The following ATP13A2 variants were observed in gnomAD, a reference collection of about 807,000 sequenced individuals.
The protein encoded by ATP13A2 is ATPase cation transporting 13A2, also known as polyamine-transporting ATPase 13A2.
A neutral mutation model predicts 138.3 loss-of-function variants in ATP13A2; 83 were observed. The observed-to-expected ratio is 0.60, with a 90% CI of 0.50 to 0.72. The LOEUF (loss-of-function observed/expected upper bound fraction) is 0.72. Ranked by LOEUF, ATP13A2 falls within the 30% of genes least tolerant of loss-of-function variation. ATP13A2 has a pLI of 0.00. For synonymous variants in ATP13A2, 663 were observed against 699.0 expected, an observed-to-expected ratio of 0.95 and a Z score of 0.81; for missense variants, 1,402 against 1,606.4, an observed-to-expected ratio of 0.87 and a Z score of 2.17.
At position 16,995,634 on chromosome 1, in the gene ATP13A2, C is replaced by T. The variant is rs866706251; in HGVS notation, c.1542+342G>A. The T allele has an allele frequency of 6.8e-5, 26 of 381,672 alleles. No individual in the cohort carries two copies. Among genetic ancestry groups the T allele is most frequent in the Admixed American group, 3.7e-4 (10 of 26,928 alleles). The allele number at this position is 381,672 out of a possible 1,614,324, so 23.6% of individuals were successfully genotyped here. Reference sequence around the variant, plus strand: ...GGCTAACTTTTGTATTTTTAGTAGACGGGGTTTTGCCATGTTGGTCAGGCT... The same window carrying T: ...GGCTAACTTTTGTATTTTTAGTAGATGGGGTTTTGCCATGTTGGTCAGGCT... On this transcript the variant is annotated intron_variant, in intron 15 of 28. Transcript: ENST00000326735. This position sits in a 1 kb window ranked among gnomAD's most constrained non-coding sequence, Gnocchi z 4.1.
intron 25 of ATP13A2, 65 bp downstream of exon 25, chr1:16,988,073 C>A: frequency 6.9e-7 from 1 of 1,445,888 alleles, no homozygotes; most frequent in Non-Finnish European, 9.7e-7. Context: ...AGCTCCAAGG[C>A]ACAGGGCTGT....
chr1:16,992,584 G>A lies in ATP13A2; in HGVS notation c.1750-3C>T, dbSNP rs780246274. The A allele has an allele frequency of 1.9e-6, 3 of 1,613,960 alleles. No homozygotes were observed. Among genetic ancestry groups the A allele is most frequent in the Admixed American group, 1.7e-5 (1 of 60,002 alleles). On this transcript the variant is annotated splice_region_variant and splice_polypyrimidine_tract_variant and intron_variant, in intron 16 of 28. Transcript: ENST00000326735. ...GCAGCCGGCTCTTCCTCCAGGACCT[G>A]GCAGGCAGGCAGGGAAGTTTGGTGT...
rs886045581 is a variant in ATP13A2 at position 16,993,634 on chromosome 1, C to T, written c.1744G>A (p.Gly582Ser). The change falls in exon 16 of 29, where the codon GGC (glycine) becomes AGC (serine). Residue 582 changes from glycine (G) to serine (S), a missense_variant. Gly to Ser is a moderately conservative substitution (Grantham distance 56). Transcript: ENST00000326735. ...PMDLKMVESTGWVLEEEPAAD... is the reference protein window; with the variant it reads ...PMDLKMVESTSWVLEEEPAAD... ...GACCTGCTTGGCCTCCTCACCCAGC[C>T]AGTAGACTCCACCATCTTCAAGTCC... 14 of 1,584,236 alleles carry T rather than the reference C, an allele frequency of 8.8e-6. 1 individual carries two copies. The highest frequency in any genetic ancestry group is 1.9e-4 in the Middle Eastern group (1 of 5,384).
In ATP13A2 at chr1:17,004,692, C is replaced by G; in HGVS notation, c.477G>C (p.Gln159His). The part of the protein sequence containing the change: ...HKSEEAVSVG[Q>H]KRVLRYYLFQ... ...GGGCAAGGACTTTTTCAGAACCCAC[C>G]TGTCCGACACTCACCGCCTCCTCGC... The change falls in exon 5 of 29, where the codon CAG becomes CAC. Residue 159 changes from glutamine to histidine, a missense_variant and splice_region_variant. By Grantham distance (24) the Gln-to-His change is conservative. Transcript: ENST00000326735. This position sits in a 1 kb window ranked among gnomAD's most constrained non-coding sequence, Gnocchi z 4.1. 1 of 1,614,076 alleles carries G rather than the reference C, an allele frequency of 6.2e-7. No homozygotes were observed. Among genetic ancestry groups the G allele is most frequent in the Non-Finnish European group, 8.5e-7 (1 of 1,180,026 alleles).
Position 17,007,644 on chromosome 1 carries a change from C to T in ATP13A2, c.11-1866G>A, listed in dbSNP as rs187881775. Among the ~76,000 whole-genome samples the T allele has an allele frequency of 1.2e-3, 185 of 150,888 alleles. 2 individuals carry two copies. Among genetic ancestry groups the T allele is most frequent in the Middle Eastern group, 3.4e-3 (1 of 294 alleles). On this transcript the variant is annotated intron_variant, in intron 1 of 28. Coordinates refer to ENST00000326735, the MANE Select transcript of ATP13A2 (RefSeq NM_022089.4). Reference sequence around the variant, plus strand: ...TCGGCTCACTGCAAGCTCTGCCTTCCGGGTTCACACCATTCTCCTGCCTCA... The same window carrying T: ...TCGGCTCACTGCAAGCTCTGCCTTCTGGGTTCACACCATTCTCCTGCCTCA...
rs2100865751 is a variant in ATP13A2, at chr1:16,995,512, G to T, written c.1542+464C>A. 1 of 254,096 alleles carries T rather than the reference G, an allele frequency of 3.9e-6. No homozygotes were observed. The highest frequency in any genetic ancestry group is 4.4e-5 in the South Asian group (1 of 22,672). The allele number at this position is 254,096 out of a possible 1,614,324, so 15.7% of individuals were successfully genotyped here. On this transcript the variant is annotated intron_variant, in intron 15 of 28. Coordinates refer to ENST00000326735, the MANE Select transcript of ATP13A2 (RefSeq NM_022089.4). This position sits in a 1 kb window ranked among gnomAD's most constrained non-coding sequence, Gnocchi z 4.1. The stretch of plus-strand genomic sequence containing the variant: ...GAGTTTTGCTCTGTCACCCAGGCTG[G>T]AGTACAATGGCATGATCTTGGCTCA...
intron 20 of ATP13A2, among the ~76,000 whole-genome samples, chr1:16,990,526 T>C (rs2076893577): frequency 6.6e-6 from 1 of 152,154 alleles, no homozygotes; most frequent in African/African-American, 2.4e-5. Context: ...TCCTTTTTTT[T>C]CTTTTTTTAA....
rs55635527 is a variant in ATP13A2 at position 16,990,255 on chromosome 1, G to A, written c.2284C>T (p.Arg762Trp). 7.4e-6 allele frequency: 12 copies of A among 1,614,024 alleles called. No individual in the cohort carries two copies. Among genetic ancestry groups the A allele is most frequent in the East Asian group, 2.2e-5 (1 of 44,874 alleles). Residue 762 changes from arginine (R) to tryptophan (W), a missense_variant, in exon 21 of 29, where the codon CGG becomes TGG. Physicochemically the swap from Arg to Trp is moderately radical, Grantham distance 101 (BLOSUM62 -3). Coordinates refer to ENST00000326735, the MANE Select transcript of ATP13A2 (RefSeq NM_022089.4). ...DNLQTAVTVA[R>W]GCGMVAPQEH... ...TGGGGGGCCACCATGCCACAGCCCC[G>A]GGCCACAGTCACCGCTGTCTGCAGG... is the stretch of plus-strand genomic sequence containing the variant.
In ATP13A2 at chr1:16,995,468, G is replaced by A; in HGVS notation, c.1542+508C>T. On this transcript the variant is annotated intron_variant, in intron 15 of 28. Transcript: ENST00000326735. This position sits in a 1 kb window ranked among gnomAD's most constrained non-coding sequence, Gnocchi z 4.1. ...ACACTAGGGCCCCAGGTCCCCACCA[G>A]TAATTTTTTTTTTTTTTTGAGTTTT... 1 of 268,186 alleles carries A rather than the reference G, an allele frequency of 3.7e-6. No homozygotes were observed. The allele number at this position is 268,186 out of a possible 1,614,324, so 16.6% of individuals were successfully genotyped here. A position where few individuals can be genotyped will look rare whatever the true frequency, so the allele number is the denominator to read the frequency against.
chr1:16,988,279 C>T, intron 24 of ATP13A2, 43 bp downstream of exon 24: 2 of 1,614,156 alleles, frequency 1.2e-6, no homozygotes, highest in Non-Finnish European at 1.7e-6. Context: ...GTTGGCTGAC[C>T]AGCCCTGCTG....
chr1:17,005,714 T>C lies in ATP13A2; in HGVS notation c.75A>G (p.Ile25Met). 6.2e-7 allele frequency: 1 copy of C among 1,613,904 alleles called. No homozygotes were observed. Among genetic ancestry groups the C allele is most frequent in the Non-Finnish European group, 8.5e-7 (1 of 1,179,922 alleles). The stretch of plus-strand genomic sequence containing the variant: ...ATGAAACTGAGGAGCTGAGGGGATC[T>C]ATTGATGTCCCTATCGTCAGGGTCC... The part of the protein sequence containing the change: ...GYGTLTIGTS[I>M]DPLSSSVSSV... The change falls in exon 2 of 29, where the codon ATA (isoleucine) becomes ATG (methionine). Residue 25 changes from isoleucine to methionine, a missense_variant. Coordinates refer to ENST00000326735, the MANE Select transcript of ATP13A2 (RefSeq NM_022089.4).
At chr1:16,998,282 G>A (rs1409463943) in intron 11 of ATP13A2, among the ~76,000 whole-genome samples, 1 of 152,054 alleles carries the variant, frequency 6.6e-6, no homozygotes, top group Non-Finnish European at 1.5e-5. Context: ...TCGGCTCACT[G>A]CAACCTCCAC....
Position 17,011,767 on chromosome 1 carries a change from C to G in ATP13A2, c.-29G>C. On this transcript the variant is annotated 5_prime_UTR_variant, in exon 1 of 29. Coordinates refer to ENST00000326735, the MANE Select transcript of ATP13A2 (RefSeq NM_022089.4). The surrounding 1 kb of genome is among the most constrained non-coding windows in gnomAD (Gnocchi z 7.3). ...GGCTCCTCGCGCTCATCGCCGGCCC[C>G]GGCGCTGCGGCCCTCGGCCTGGGCC... 1 of 1,431,094 alleles carries G rather than the reference C, an allele frequency of 7.0e-7. No individual in the cohort carries two copies. The highest frequency in any genetic ancestry group is 9.1e-7 in the Non-Finnish European group (1 of 1,093,676). The allele number at this position is 1,431,094 out of a possible 1,614,324, so 88.6% of individuals were successfully genotyped here.
chr1:16,996,662 C>G (rs2077137571), intron 12 of ATP13A2, 166 bp from the exon 13 acceptor site: 5 of 647,010 alleles, frequency 7.7e-6, no homozygotes, highest in African/African-American at 7.3e-5. Flanking sequence ...CTCTTGTAGG[C>G]TTTTTAAGGG....
chr1:17,004,494 G>T lies in ATP13A2; in HGVS notation c.478-83C>A. ...TGCTTATGCTGGGAGCCGAGGGATG[G>T]GGGTAGGGGGCAGGGACTGGTGTCA... On this transcript the variant is annotated intron_variant, in intron 5 of 28. Transcript: ENST00000326735. This position sits in a 1 kb window ranked among gnomAD's most constrained non-coding sequence, Gnocchi z 4.1. 1.3e-6 allele frequency: 2 copies of T among 1,562,056 alleles called. No individual in the cohort carries two copies. Among genetic ancestry groups the T allele is most frequent in the South Asian group, 1.1e-5 (1 of 88,012 alleles).
chr1:17,002,289 C>T lies in ATP13A2; in HGVS notation c.635+7G>A. The T allele has an allele frequency of 6.2e-7, 1 of 1,613,090 alleles. No homozygotes were observed. Among genetic ancestry groups the T allele is most frequent in the South Asian group, 1.1e-5 (1 of 90,724 alleles). ...CTCAGGGCACCCCGGTCCAGGGCAG[C>T]ACTGACCTCACCATTTGGTCCTGGA... On this transcript the variant is annotated splice_region_variant and intron_variant, in intron 7 of 28. Coordinates refer to ENST00000326735, the MANE Select transcript of ATP13A2 (RefSeq NM_022089.4).
chr1:17,000,499 G>A lies in ATP13A2; in HGVS notation c.741C>T (p.Ser247=). ...AGTGGTCAGCCAGCCACAGCGCGATGCTGAAGGCCTGGAACCCATAGTAGG... is the reference window on the plus strand; with the variant it reads ...AGTGGTCAGCCAGCCACAGCGCGATACTGAAGGCCTGGAACCCATAGTAGG... The part of the protein sequence containing the change: ...LNPYYGFQAF[S]IALWLADHYY... Residue 247 remains serine (S), a synonymous_variant, in exon 9 of 29, where the codon AGC becomes AGT. Coordinates refer to ENST00000326735, the MANE Select transcript of ATP13A2 (RefSeq NM_022089.4). 1.9e-6 allele frequency: 3 copies of A among 1,614,106 alleles called. No homozygotes were observed. The highest frequency in any genetic ancestry group is 2.5e-6 in the Non-Finnish European group (3 of 1,179,998).
rs373023100 is a variant in ATP13A2 at position 16,997,174 on chromosome 1, T to A, written c.1041A>T (p.Gly347=). The A allele has an allele frequency of 1.2e-6, 2 of 1,613,386 alleles. No individual in the cohort carries two copies. The highest frequency in any genetic ancestry group is 8.5e-7 in the Non-Finnish European group (1 of 1,180,030). ...CCGTCTTCAGCACTGGAATGCTCTC[T>A]CCTGGTGGGGAACGTGGTGTGAGGA... ...ECMVNESSLT[G]ESIPVLKTAL... is the part of the protein sequence containing the mutation. Residue 347 remains glycine, a splice_region_variant and synonymous_variant, in exon 12 of 29, where the codon GGA becomes GGT. Coordinates refer to ENST00000326735, the MANE Select transcript of ATP13A2 (RefSeq NM_022089.4).
rs2100766111 is a variant in ATP13A2, at chr1:16,991,737, T to C, written c.2248A>G (p.Thr750Ala). ...RRTRIRAVMV[T>A]GDNLQTAVTV... is the part of the protein sequence containing the mutation. ...GGGCCCCTACATGCCATTGTACCTG[T>C]CACCATGACGGCGCGGATGCGGGTC... is the stretch of plus-strand genomic sequence containing the variant. The change falls in exon 20 of 29, where the codon ACA (threonine) becomes GCA (alanine). Residue 750 changes from threonine (T) to alanine (A), a missense_variant. Transcript: ENST00000326735. 1.2e-6 allele frequency: 2 copies of C among 1,614,134 alleles called. No homozygotes were observed. Among genetic ancestry groups the C allele is most frequent in the East Asian group, 4.5e-5 (2 of 44,876 alleles).
Sources: allele counts gnomAD v4.1 joint callset (sites outside exome capture counted in the v4.1 genomes callset), GRCh38; gene constraint gnomAD v4.1.1; non-coding constraint Gnocchi (gnomAD v3.1); transcripts MANE v1.5; gene names NCBI Gene and HGNC (gene_info 2026-07-23, HGNC 2026-07-21).